SPIDR: variants seen among roughly 807,000 people sequenced by gnomAD.
SPIDR encodes the protein DNA repair-scaffolding protein.
In SPIDR, 93 loss-of-function variants were observed where a neutral mutation model predicts 104.6. The ratio of observed to expected loss-of-function variants is 0.89; its 90% CI spans 0.75 to 1.06. The LOEUF is 1.06. SPIDR is among the 50% of genes least tolerant of loss of function. SPIDR has a pLI of 0.00. For synonymous variants in SPIDR, 431 were observed against 416.9 expected, an observed-to-expected ratio of 1.03 and a Z score of -0.41; for missense variants, 1,154 against 1,111.2, an observed-to-expected ratio of 1.04 and a Z score of -0.55.
chr8:47,386,456 G>A (rs1357281068), intron 5 of SPIDR, among the ~76,000 whole-genome samples: 1 of 152,008 alleles, frequency 6.6e-6, no homozygotes, highest in Non-Finnish European at 1.5e-5. Flanking sequence ...ATTAACTGTT[G>A]CTTTGAGATT....
chr8:47,272,038 G>A lies in SPIDR; in HGVS notation c.34-7824G>A, dbSNP rs1316520958. On this transcript the variant is annotated intron_variant, in intron 1 of 19. Transcript: ENST00000297423. ...TGCTCAGGCTGTAGTGCAATGGCAC[G>A]ATCTCGGTTCACTGCAACTTCTGCC... 4.6e-5 allele frequency among the ~76,000 whole-genome samples: 7 copies of A among 151,954 alleles called. No individual in the cohort carries two copies. In the South Asian group the frequency reaches 6.2e-4, roughly 14 times the overall value.
chr8:47,264,206 G>A (rs1245074330), intron 1 of SPIDR, among the ~76,000 whole-genome samples: 1 of 152,166 alleles, frequency 6.6e-6, no homozygotes, highest in Non-Finnish European at 1.5e-5. Context: ...GTGGAATTAG[G>A]AATAGAATAG....
At chr8:47,603,148 C>T (rs2062501982) in intron 10 of SPIDR, among the ~76,000 whole-genome samples, 1 of 113,264 alleles carries the variant, frequency 8.8e-6, no homozygotes, top group Non-Finnish European at 1.8e-5. Context: ...CTAATAAAGC[C>T]ATAGGCTTTT....
chr8:47,462,526 T>C (rs2074112476), intron 8 of SPIDR, among the ~76,000 whole-genome samples: 1 of 152,116 alleles, frequency 6.6e-6, no homozygotes, highest in Admixed American at 6.5e-5. Context: ...TTGAGATGAA[T>C]GAAAACGAAA....
chr8:47,582,386 C>T (rs914344884), intron 8 of SPIDR, among the ~76,000 whole-genome samples: 7 of 152,074 alleles, frequency 4.6e-5, no homozygotes, highest in Admixed American at 1.3e-4. Flanking sequence ...TAAAAGTAAA[C>T]ATCTTTCGTG....
At chr8:47,640,613 G>C (rs1046733161) in intron 10 of SPIDR, among the ~76,000 whole-genome samples, 1 of 152,130 alleles carries the variant, frequency 6.6e-6, no homozygotes, top group Non-Finnish European at 1.5e-5. Context: ...TTGGTAGTAA[G>C]TATGAAAAGT....
At chr8:47,510,964 G>T (rs1480343030) in intron 8 of SPIDR, 3 of 637,766 alleles carry the variant, frequency 4.7e-6, no homozygotes, top group East Asian at 5.4e-5. Context: ...CAGGAGGGAT[G>T]ATCCCCATGG....
At chr8:47,380,191 G>A (rs1369533991) in intron 5 of SPIDR, among the ~76,000 whole-genome samples, 5 of 151,794 alleles carry the variant, frequency 3.3e-5, no homozygotes, top group African/African-American at 1.2e-4. Context: ...CTCTCAGCCT[G>A]CACCACAGCA....
intron 8 of SPIDR, among the ~76,000 whole-genome samples, chr8:47,491,913 G>A (rs1049478692): frequency 3.9e-5 from 6 of 152,074 alleles, no homozygotes; most frequent in African/African-American, 7.2e-5. Flanking sequence ...ATCCTATGCC[G>A]AGGTCTCTAA....
chr8:47,736,232 G>A lies in SPIDR; in HGVS notation c.*782G>A, dbSNP rs1044099900. ...AGCAATATAATCATGACAGGCCATG[G>A]TTAACTACATCAGATACACGTAGCA... On this transcript the variant is annotated 3_prime_UTR_variant, in exon 20 of 20. Transcript: ENST00000297423. 6.6e-6 allele frequency: 1 copy of A among 152,320 alleles called. No homozygotes were observed. Among genetic ancestry groups the A allele is most frequent in the African/African-American group, 2.4e-5 (1 of 41,450 alleles). 9.4% of individuals were successfully genotyped at this position (152,320 alleles called of 1,614,324 possible).
chr8:47,268,765 A>AT (rs1295991561), intron 1 of SPIDR, among the ~76,000 whole-genome samples: 1 of 151,972 alleles, frequency 6.6e-6, no homozygotes, highest in African/African-American at 2.4e-5. Flanking sequence ...AGCTCCATTG[A>AT]TTTTTTTAAA....
At chr8:47,356,078 C>T (rs1350441522) in intron 5 of SPIDR, among the ~76,000 whole-genome samples, 1 of 152,168 alleles carries the variant, frequency 6.6e-6, no homozygotes, top group Non-Finnish European at 1.5e-5. Context: ...GTAGCAGACA[C>T]AACACATGTG....
At chr8:47,442,825 C>A (rs2069706152) in intron 8 of SPIDR, among the ~76,000 whole-genome samples, 1 of 152,102 alleles carries the variant, frequency 6.6e-6, no homozygotes, top group Admixed American at 6.5e-5. Context: ...GTCTCAAACG[C>A]CTGGCCTCAA....
intron 8 of SPIDR, among the ~76,000 whole-genome samples, chr8:47,549,963 C>T (rs2154396636): frequency 6.6e-6 from 1 of 152,254 alleles, no homozygotes; most frequent in African/African-American, 2.4e-5. Context: ...AGAAGGGATC[C>T]AGTTTCAGCT....
chr8:47,522,825 AC>A (rs2084374353), intron 8 of SPIDR, among the ~76,000 whole-genome samples: 1 of 151,908 alleles, frequency 6.6e-6, no homozygotes, highest in African/African-American at 2.4e-5. Context: ...AGGTGGTAGT[AC>A]TCTGTTTCTG....
At chr8:47,516,997 T>A (rs1462086307) in intron 8 of SPIDR, among the ~76,000 whole-genome samples, 1 of 152,212 alleles carries the variant, frequency 6.6e-6, no homozygotes, top group African/African-American at 2.4e-5. Flanking sequence ...ATTGTGGTTT[T>A]GATTTGCATT....
At chr8:47,660,596 G>A (rs1223716729) in intron 10 of SPIDR, 7 of 860,304 alleles carry the variant, frequency 8.1e-6, no homozygotes, top group Non-Finnish European at 9.8e-6. Context: ...GTGAAGTGTG[G>A]GTGGCTAGGG....
chr8:47,561,458 A>G (rs1267580431), intron 8 of SPIDR, among the ~76,000 whole-genome samples: 1 of 152,102 alleles, frequency 6.6e-6, no homozygotes, highest in East Asian at 1.9e-4. Flanking sequence ...GCCTCTCTAC[A>G]CTGTGTCCAG....
intron 11 of SPIDR, among the ~76,000 whole-genome samples, chr8:47,695,978 G>A (rs1279984476): frequency 6.6e-6 from 1 of 152,130 alleles, no homozygotes; most frequent in African/African-American, 2.4e-5. Context: ...TTCTTGGTCC[G>A]CAGCTGATTT....
Sources: allele counts gnomAD v4.1 joint callset (sites outside exome capture counted in the v4.1 genomes callset), GRCh38; gene constraint gnomAD v4.1.1; transcripts MANE v1.5; gene names NCBI Gene and HGNC (gene_info 2026-07-23, HGNC 2026-07-21).